The following CENPU variants were observed in gnomAD, a reference collection of about 807,000 sequenced individuals.
CENPU encodes centromere protein U, also known as KSHV latent nuclear antigen interacting protein 1.
A neutral mutation model predicts 56.7 loss-of-function variants in CENPU; 46 were observed. That is an observed-to-expected ratio of 0.81 (90% confidence interval 0.64 to 1.04). CENPU has a LOEUF of 1.04. CENPU is among the 50% of genes least tolerant of loss of function. The pLI is 0.00. For missense variants in CENPU, 510 were observed against 490.1 expected (o/e 1.04, Z -0.38); for synonymous variants, 166 against 163.0 (o/e 1.02, Z -0.14).
chr4:184,702,165 A>T, intron 9 of CENPU, 29 bp from the exon 10 acceptor site: 1 of 1,534,754 alleles, frequency 6.5e-7, no homozygotes, highest in Non-Finnish European at 9.0e-7. Flanking sequence ...ACACATGTAC[A>T]TCAGTTTCCA....
chr4:184,713,080 A>C, intron 6 of CENPU, 67 bp from the exon 7 acceptor site: 1 of 1,015,022 alleles, frequency 9.9e-7, no homozygotes, highest in Non-Finnish European at 1.5e-6. Flanking sequence ...TAGGATTAAG[A>C]CTGTCACCAA....
intron 8 of CENPU, 22 bp from the exon 9 acceptor site, chr4:184,702,463 G>A: frequency 1.3e-6 from 2 of 1,559,034 alleles, no homozygotes; most frequent in African/African-American, 1.4e-5. Flanking sequence ...TTAAAAAAAA[G>A]TCTAAGTACC....
At chr4:184,706,724 T>C (rs560493444) in intron 8 of CENPU, among the ~76,000 whole-genome samples, 30 of 152,350 alleles carry the variant, frequency 2.0e-4, no homozygotes, top group Non-Finnish European at 4.0e-4. Flanking sequence ...GAACACCATA[T>C]TGTCAAGGAA....
At position 184,729,014 on chromosome 4, in the gene CENPU, G is replaced by A. The variant is rs750924139; in HGVS notation, c.118C>T (p.Pro40Ser). Residue 40 changes from proline to serine, a missense_variant, in exon 3 of 13, where the codon CCT becomes TCT. Pro to Ser is a moderately conservative substitution (Grantham distance 74). Coordinates refer to ENST00000281453, the MANE Select transcript of CENPU (RefSeq NM_024629.4). The stretch of plus-strand genomic sequence containing the variant: ...TCAGGAAAGTCGAACACGTCAATAG[G>A]CTTGCACTTTTGACCAGCTTTCTAA... ...MKDKAGQKCK[P>S]IDVFDFPDNS... The A allele has an allele frequency of 1.2e-6, 2 of 1,613,392 alleles. No homozygotes were observed. Among genetic ancestry groups the A allele is most frequent in the South Asian group, 1.1e-5 (1 of 90,882 alleles).
chr4:184,707,320 C>A (rs1403953490), intron 8 of CENPU, among the ~76,000 whole-genome samples: 1 of 146,110 alleles, frequency 6.8e-6, no homozygotes, highest in Non-Finnish European at 1.5e-5. Flanking sequence ...TGACTCCTGC[C>A]TCTTCCCATC....
At chr4:184,705,978 G>C (rs28620459) in intron 8 of CENPU, among the ~76,000 whole-genome samples, 27,103 of 152,096 alleles carry the variant, frequency 0.18, 2,717 homozygotes, top group African/African-American at 0.26. Flanking sequence ...AGAAAATTGT[G>C]ATTTAACGGG....
intron 1 of CENPU, among the ~76,000 whole-genome samples, chr4:184,733,022 G>C (rs1191808889): frequency 6.7e-6 from 1 of 150,264 alleles, no homozygotes; most frequent in Non-Finnish European, 1.5e-5. Context: ...TTGTATGTGC[G>C]TAAGTGTGTT....
At chr4:184,721,909 T>C (rs1337341173) in intron 4 of CENPU, among the ~76,000 whole-genome samples, 1 of 152,220 alleles carries the variant, frequency 6.6e-6, no homozygotes, top group Admixed American at 6.5e-5. Flanking sequence ...CTAACAGATA[T>C]TTACAGAACA....
chr4:184,733,456 G>A (rs912371335), intron 1 of CENPU: 3 of 980,478 alleles, frequency 3.1e-6, no homozygotes, highest in Non-Finnish European at 3.6e-6. Flanking sequence ...TCAGCGACCA[G>A]CATTCTAGAG....
At chr4:184,699,056 G>A (rs1256242390) in intron 11 of CENPU, among the ~76,000 whole-genome samples, 3 of 151,960 alleles carry the variant, frequency 2.0e-5, no homozygotes, top group African/African-American at 4.8e-5. Context: ...GGCTGGGCGC[G>A]GTGGCTCACA....
chr4:184,730,884 A>G lies in CENPU; in HGVS notation c.96+36T>C, dbSNP rs529003365. 254 of 1,539,172 alleles carry G rather than the reference A, an allele frequency of 1.7e-4. 3 individuals carry two copies. In the South Asian group the frequency reaches 3.0e-3, roughly 18 times the overall value. ...CAAAAAATGTTATTTTGTACTGTCAATTTTGAGAAAACCACAACACAAAAA... is the reference window on the plus strand; with the variant it reads ...CAAAAAATGTTATTTTGTACTGTCAGTTTTGAGAAAACCACAACACAAAAA... On this transcript the variant is annotated intron_variant, in intron 2 of 12. Coordinates refer to ENST00000281453, the MANE Select transcript of CENPU (RefSeq NM_024629.4).
chr4:184,711,134 G>A (rs1027704750), intron 7 of CENPU, among the ~76,000 whole-genome samples: 1 of 152,068 alleles, frequency 6.6e-6, no homozygotes, highest in Non-Finnish European at 1.5e-5. Context: ...GGGATTACGG[G>A]TGCACCCACC....
At chr4:184,721,020 T>C (rs11936313) in intron 4 of CENPU, among the ~76,000 whole-genome samples, 27,193 of 152,152 alleles carry the variant, frequency 0.18, 3,611 homozygotes, top group East Asian at 0.71. Context: ...TCATTGTAAG[T>C]AGAAAGACTA....
chr4:184,696,692 ATATAT>A (rs1302793023), intron 12 of CENPU, among the ~76,000 whole-genome samples: 38 of 150,344 alleles, frequency 2.5e-4, no homozygotes, highest in African/African-American at 8.3e-4. Flanking sequence ...CATTACATAT[ATATAT>A]ATTATATAAA....
chr4:184,716,891 G>A (rs1210192715), intron 5 of CENPU, among the ~76,000 whole-genome samples: 1 of 152,128 alleles, frequency 6.6e-6, no homozygotes, highest in East Asian at 1.9e-4. Context: ...TATGAAAATT[G>A]ACAAAGTACA....
At chr4:184,723,239 T>A (rs139779959) in intron 4 of CENPU, among the ~76,000 whole-genome samples, 3 of 152,266 alleles carry the variant, frequency 2.0e-5, no homozygotes, top group Admixed American at 6.5e-5. Context: ...AAAACCTAGG[T>A]AGCAACCTAT....
At chr4:184,709,573 G>A (rs1579770626) in intron 8 of CENPU, among the ~76,000 whole-genome samples, 2 of 152,134 alleles carry the variant, frequency 1.3e-5, no homozygotes, top group Middle Eastern at 3.4e-3. Flanking sequence ...GACAAAGTAT[G>A]TTTAGGAATA....
chr4:184,733,246 C>T, intron 1 of CENPU: 1 of 914,656 alleles, frequency 1.1e-6, no homozygotes, highest in Non-Finnish European at 1.3e-6. Context: ...TCCCCACCCA[C>T]CTGCGGTGTC....
At chr4:184,723,985 C>A (rs1761368818) in intron 4 of CENPU, among the ~76,000 whole-genome samples, 7 of 151,926 alleles carry the variant, frequency 4.6e-5, no homozygotes, top group Admixed American at 3.9e-4. Context: ...GCAGTTTTGG[C>A]CGGGTGCAGT....
Sources: allele counts gnomAD v4.1 joint callset (sites outside exome capture counted in the v4.1 genomes callset), GRCh38; gene constraint gnomAD v4.1.1; transcripts MANE v1.5; gene names NCBI Gene and HGNC (gene_info 2026-07-23, HGNC 2026-07-21).